Variants in LCN10 observed in about 807,000 individuals in gnomAD.
LCN10 encodes epididymal-specific lipocalin-10.
In LCN10, 18 loss-of-function variants were observed where a neutral mutation model predicts 25.1. The observed-to-expected ratio is 0.72, with a 90% confidence interval of 0.50 to 1.06. LCN10 has a LOEUF of 1.06. Ranked by LOEUF, LCN10 falls within the 50% of genes least tolerant of loss-of-function variation. LCN10 has a pLI of 0.00. For synonymous variants in LCN10, 130 were observed against 116.7 expected, an observed-to-expected ratio of 1.11 and a Z score of -0.73; for missense variants, 257 against 258.9, an observed-to-expected ratio of 0.99 and a Z score of 0.05.
In LCN10 at chr9:136,738,479, C is replaced by G. The variant is rs1000796457; in HGVS notation, c.*1046G>C. 3 of 152,262 alleles carry G rather than the reference C, an allele frequency of 2.0e-5. No homozygotes were observed. Among genetic ancestry groups the G allele is most frequent in the African/African-American group, 7.2e-5 (3 of 41,444 alleles). The allele number at this position is 152,262 out of a possible 1,614,324, so 9.4% of individuals were successfully genotyped here. On this transcript the variant is annotated 3_prime_UTR_variant, in exon 6 of 6. Coordinates refer to ENST00000497771, the MANE Select transcript of LCN10 (RefSeq NM_001001712.3). Reference sequence around the variant, plus strand: ...GCCAGAAGGAGGGGCTGACCCCTTACCCCGTCATGGCTGAGGACTCGGGTT... The same window carrying G: ...GCCAGAAGGAGGGGCTGACCCCTTAGCCCGTCATGGCTGAGGACTCGGGTT...
At position 136,740,522 on chromosome 9, in the gene LCN10, G is replaced by T; in HGVS notation, c.475+314C>A. The T allele has an allele frequency of 2.2e-6, 1 of 458,892 alleles. No individual in the cohort carries two copies. Among genetic ancestry groups the T allele is most frequent in the Non-Finnish European group, 3.9e-6 (1 of 254,020 alleles). 28.4% of individuals were successfully genotyped at this position (458,892 alleles called of 1,614,324 possible). On this transcript the variant is annotated intron_variant, in intron 4 of 5. Coordinates refer to ENST00000497771, the MANE Select transcript of LCN10 (RefSeq NM_001001712.3). This position sits in a 1 kb window ranked among gnomAD's most constrained non-coding sequence, Gnocchi z 5.3. ...GACCCTTACCTGGGACCCCTCCCAC[G>T]CCTCCTCATCCCCACTGTGTCCCTC... is the stretch of plus-strand genomic sequence containing the variant.
At position 136,742,671 on chromosome 9, in the gene LCN10, C is replaced by A. The variant is rs1308886227; in HGVS notation, c.117+116G>T. 6 of 1,308,470 alleles carry A rather than the reference C, an allele frequency of 4.6e-6. No individual in the cohort carries two copies. In the African/African-American group the frequency reaches 7.4e-5, roughly 16 times the overall value. 81.1% of individuals were successfully genotyped at this position (1,308,470 alleles called of 1,614,324 possible). On this transcript the variant is annotated intron_variant, in intron 1 of 5. Transcript: ENST00000497771. ...GTGGGAGAGGCCAGGTGGGCAGCGC[C>A]CGTGCCTGGAACTGCTGGTAGCCCT...
chr9:136,742,856 T>TAGCACCAGCACC lies in LCN10; in HGVS notation c.36_47dup (p.Val15_Leu18dup), dbSNP rs751337850. On this transcript the variant is annotated inframe_insertion, in exon 1 of 6. Coordinates refer to ENST00000497771, the MANE Select transcript of LCN10 (RefSeq NM_001001712.3). Reference sequence around the variant, plus strand: ...GCACCTGGGACCCTGCAGCCAGCACTAGCACCAGCACCAGCACCAGCGCCA... The same window carrying TAGCACCAGCACC: ...GCACCTGGGACCCTGCAGCCAGCACTAGCACCAGCACCAGCACCAGCACCAGCACCAGCGCCA... 3.1e-6 allele frequency: 5 copies of TAGCACCAGCACC among 1,613,452 alleles called. No homozygotes were observed. Among genetic ancestry groups the TAGCACCAGCACC allele is most frequent in the East Asian group, 2.2e-5 (1 of 44,870 alleles).
chr9:136,740,391 CG>C lies in LCN10; in HGVS notation c.476-344del, dbSNP rs1846907086. The C allele has an allele frequency of 2.3e-6, 1 of 441,710 alleles. No homozygotes were observed. Among genetic ancestry groups the C allele is most frequent in the Non-Finnish European group, 4.2e-6 (1 of 237,416 alleles). The allele number at this position is 441,710 out of a possible 1,614,324, so 27.4% of individuals were successfully genotyped here. A position where few individuals can be genotyped will look rare whatever the true frequency, so the allele number is the denominator to read the frequency against. On this transcript the variant is annotated intron_variant, in intron 4 of 5. Transcript: ENST00000497771. The surrounding 1 kb of genome is among the most constrained non-coding windows in gnomAD (Gnocchi z 5.3). The stretch of plus-strand genomic sequence containing the variant: ...CCACCTCCCCTCTACCCGTTCCAAC[CG>C]GGAGGGCCACTCCTTTCCGTGTACC...
Position 136,740,689 on chromosome 9 carries a change from C to T in LCN10, c.475+147G>A. 2 of 616,128 alleles carry T rather than the reference C, an allele frequency of 3.2e-6. No homozygotes were observed. Among genetic ancestry groups the T allele is most frequent in the South Asian group, 4.0e-5 (2 of 49,846 alleles). The allele number at this position is 616,128 out of a possible 1,614,324, so 38.2% of individuals were successfully genotyped here. A position where few individuals can be genotyped will look rare whatever the true frequency, so the allele number is the denominator to read the frequency against. On this transcript the variant is annotated intron_variant, in intron 4 of 5. Transcript: ENST00000497771. This position sits in a 1 kb window ranked among gnomAD's most constrained non-coding sequence, Gnocchi z 5.3. ...CAGGACCTGACTGCTGTGGTCTCGG[C>T]TTCCATTGCCCCTGCCCTGACCACC...
intron 1 of LCN10, chr9:136,742,486 C>A: frequency 2.0e-6 from 1 of 493,046 alleles, no homozygotes; most frequent in Non-Finnish European, 3.6e-6. Flanking sequence ...CCCGCTTGCT[C>A]CACACCCACT....
Position 136,741,259 on chromosome 9 carries a change from C to T in LCN10, c.360G>A (p.Gln120=), listed in dbSNP as rs1476462643. 1 of 1,613,396 alleles carries T rather than the reference C, an allele frequency of 6.2e-7. No individual in the cohort carries two copies. Among genetic ancestry groups the T allele is most frequent in the East Asian group, 2.2e-5 (1 of 44,882 alleles). Residue 120 remains glutamine, a synonymous_variant, in exon 3 of 6, where the codon CAG becomes CAA. Coordinates refer to ENST00000497771, the MANE Select transcript of LCN10 (RefSeq NM_001001712.3). The part of the protein sequence containing the change: ...CAYAAGPREG[Q]EGVKGVKAFH... The stretch of plus-strand genomic sequence containing the variant: ...CCCAGAGCCCAAGCACACCTCCCTC[C>T]TGTCCTTCCCTCGGGCCCGCCGCGT...
At position 136,742,823 on chromosome 9, in the gene LCN10, C is replaced by T. The variant is rs1456523943; in HGVS notation, c.81G>A (p.Trp27Ter). 7 of 1,613,454 alleles carry T rather than the reference C, an allele frequency of 4.3e-6. No individual in the cohort carries two copies. In the African/African-American group the frequency reaches 9.3e-5, roughly 22 times the overall value. Residue 27 changes from tryptophan to a stop codon, truncating the protein, a stop_gained, in exon 1 of 6, where the codon TGG becomes TGA. Transcript: ENST00000497771. LOFTEE classifies it high-confidence loss of function. ...TGAGGGCGTGGGACTCCCTGGGGTA[C>T]CACTCCTGCACCTGGGACCCTGCAG... ...VLAAGSQVQE[W>*]YPRESHALNW...
chr9:136,739,828 C>A lies in LCN10; in HGVS notation c.574+122G>T. ...GCAGGAGGTGGGAGGCACGTTTGGGCGGATCTTTCAAATGGCACCTTTCAA... is the reference window on the plus strand; with the variant it reads ...GCAGGAGGTGGGAGGCACGTTTGGGAGGATCTTTCAAATGGCACCTTTCAA... On this transcript the variant is annotated intron_variant, in intron 5 of 5. Coordinates refer to ENST00000497771, the MANE Select transcript of LCN10 (RefSeq NM_001001712.3). This position sits in a 1 kb window ranked among gnomAD's most constrained non-coding sequence, Gnocchi z 6.1. 1.1e-6 allele frequency: 1 copy of A among 937,704 alleles called. No homozygotes were observed. 58.1% of individuals were successfully genotyped at this position (937,704 alleles called of 1,614,324 possible).
In LCN10 at chr9:136,739,467, C is replaced by T. The variant is rs374912642; in HGVS notation, c.*58G>A. 56 of 1,550,758 alleles carry T rather than the reference C, an allele frequency of 3.6e-5. No individual in the cohort carries two copies. The African/African-American group carries it at 5.2e-4, about 14-fold the overall frequency. Reference sequence around the variant, plus strand: ...GGTCTCCACTTGACATCTGGAACAACGCTCCTCGGGTCTGGGAGGACCACG... The same window carrying T: ...GGTCTCCACTTGACATCTGGAACAATGCTCCTCGGGTCTGGGAGGACCACG... On this transcript the variant is annotated 3_prime_UTR_variant, in exon 6 of 6. Transcript: ENST00000497771. This position sits in a 1 kb window ranked among gnomAD's most constrained non-coding sequence, Gnocchi z 6.1.
rs1055751318 is a variant in LCN10 at position 136,740,138 on chromosome 9, C to G, written c.476-90G>C. The G allele has an allele frequency of 2.5e-5, 22 of 879,286 alleles. No homozygotes were observed. In the African/African-American group the frequency reaches 3.5e-4, roughly 14 times the overall value. 54.5% of individuals were successfully genotyped at this position (879,286 alleles called of 1,614,324 possible). A position where few individuals can be genotyped will look rare whatever the true frequency, so the allele number is the denominator to read the frequency against. ...ACCCCCATCCCTACCCCAGGAGCTG[C>G]TGAAATGTCCTCAGAGCTTAGGCGT... On this transcript the variant is annotated intron_variant, in intron 4 of 5. Transcript: ENST00000497771. The surrounding 1 kb of genome is among the most constrained non-coding windows in gnomAD (Gnocchi z 5.3).
intron 1 of LCN10, 166 bp downstream of exon 1, chr9:136,742,621 C>A: frequency 1.2e-6 from 1 of 850,692 alleles, no homozygotes; most frequent in Non-Finnish European, 1.7e-6. Flanking sequence ...CTGCAACTTG[C>A]GGGGCCCCTG....
chr9:136,739,904 C>T lies in LCN10; in HGVS notation c.574+46G>A, dbSNP rs533865454. On this transcript the variant is annotated intron_variant, in intron 5 of 5. Transcript: ENST00000497771. The surrounding 1 kb of genome is among the most constrained non-coding windows in gnomAD (Gnocchi z 6.1). ...CCAATGAATCAGCTCCCCAATGGGA[C>T]GGGCAGGTAGGGCCAGGAGGGCAAA... 408 of 1,400,384 alleles carry T rather than the reference C, an allele frequency of 2.9e-4. 3 individuals carry two copies. The South Asian group carries it at 4.2e-3, about 14-fold the overall frequency. The allele number at this position is 1,400,384 out of a possible 1,614,324, so 86.7% of individuals were successfully genotyped here. A position where few individuals can be genotyped will look rare whatever the true frequency, so the allele number is the denominator to read the frequency against.
In LCN10 at chr9:136,739,640, G is replaced by T; in HGVS notation, c.575-87C>A. 7.9e-7 allele frequency: 1 copy of T among 1,271,846 alleles called. No homozygotes were observed. The allele number at this position is 1,271,846 out of a possible 1,614,324, so 78.8% of individuals were successfully genotyped here. On this transcript the variant is annotated intron_variant, in intron 5 of 5. Transcript: ENST00000497771. This position sits in a 1 kb window ranked among gnomAD's most constrained non-coding sequence, Gnocchi z 6.1. ...AACACGTCTCCCCCGGCCGCTCCCTGGTTCCATGCGTGCTCGTCTTGGGCA... is the reference window on the plus strand; with the variant it reads ...AACACGTCTCCCCCGGCCGCTCCCTTGTTCCATGCGTGCTCGTCTTGGGCA...
Position 136,740,760 on chromosome 9 carries a change from C to T in LCN10, c.475+76G>A. 1 of 1,207,884 alleles carries T rather than the reference C, an allele frequency of 8.3e-7. No homozygotes were observed. The highest frequency in any genetic ancestry group is 1.2e-6 in the Non-Finnish European group (1 of 854,400). 74.8% of individuals were successfully genotyped at this position (1,207,884 alleles called of 1,614,324 possible). On this transcript the variant is annotated intron_variant, in intron 4 of 5. Coordinates refer to ENST00000497771, the MANE Select transcript of LCN10 (RefSeq NM_001001712.3). This position sits in a 1 kb window ranked among gnomAD's most constrained non-coding sequence, Gnocchi z 5.3. ...TGCCCGCCTCACCTCCTGCCCGGCC[C>T]CCTGTGCCCAGCGCCCCTCTATGCC...
intron 2 of LCN10, 123 bp from the exon 3 acceptor site, chr9:136,741,484 G>C (rs1846932888): frequency 1.3e-6 from 1 of 757,504 alleles, no homozygotes; most frequent in Admixed American, 2.5e-5. Flanking sequence ...GGAAGGTTGG[G>C]GCCCCAGGTC....
Position 136,741,288 on chromosome 9 carries a change from C to G in LCN10, c.331G>C (p.Ala111Pro), listed in dbSNP as rs1846928227. The part of the protein sequence containing the change: ...GKKPVFGNAC[A>P]YAAGPREGQE... Reference sequence around the variant, plus strand: ...CCTTCCCTCGGGCCCGCCGCGTATGCACAGGCGTTCCCAAACACCGGCTTC... The same window carrying G: ...CCTTCCCTCGGGCCCGCCGCGTATGGACAGGCGTTCCCAAACACCGGCTTC... The change falls in exon 3 of 6, where the codon GCA becomes CCA. Residue 111 changes from alanine (A) to proline (P), a missense_variant. Physicochemically the swap from Ala to Pro is conservative, Grantham distance 27 (BLOSUM62 -1). Coordinates refer to ENST00000497771, the MANE Select transcript of LCN10 (RefSeq NM_001001712.3). 1 of 1,613,462 alleles carries G rather than the reference C, an allele frequency of 6.2e-7. No homozygotes were observed. Among genetic ancestry groups the G allele is most frequent in the Admixed American group, 1.7e-5 (1 of 60,006 alleles).
chr9:136,740,288 C>A lies in LCN10; in HGVS notation c.476-240G>T, dbSNP rs1846905305. On this transcript the variant is annotated intron_variant, in intron 4 of 5. Coordinates refer to ENST00000497771, the MANE Select transcript of LCN10 (RefSeq NM_001001712.3). The surrounding 1 kb of genome is among the most constrained non-coding windows in gnomAD (Gnocchi z 5.3). Reference sequence around the variant, plus strand: ...GGGAACCCTCTCTGCCTGCAGAGTCCCCTCCAGCCAGCCCCTCAGCTGTGC... The same window carrying A: ...GGGAACCCTCTCTGCCTGCAGAGTCACCTCCAGCCAGCCCCTCAGCTGTGC... 1 of 552,616 alleles carries A rather than the reference C, an allele frequency of 1.8e-6. No individual in the cohort carries two copies. The highest frequency in any genetic ancestry group is 2.0e-5 in the South Asian group (1 of 49,776). The allele number at this position is 552,616 out of a possible 1,614,324, so 34.2% of individuals were successfully genotyped here.
In LCN10 at chr9:136,742,410, T is replaced by C. The variant is rs1032226150; in HGVS notation, c.117+377A>G. 48 of 402,548 alleles carry C rather than the reference T, an allele frequency of 1.2e-4. No homozygotes were observed. In the Admixed American group the frequency reaches 1.5e-3, roughly 12 times the overall value. 24.9% of individuals were successfully genotyped at this position (402,548 alleles called of 1,614,324 possible). A position where few individuals can be genotyped will look rare whatever the true frequency, so the allele number is the denominator to read the frequency against. Reference sequence around the variant, plus strand: ...AACCCTAGCGCCCTGGGCACCGCCGTGCCAATGAGTGCTGCTCCCACGGCT... The same window carrying C: ...AACCCTAGCGCCCTGGGCACCGCCGCGCCAATGAGTGCTGCTCCCACGGCT... On this transcript the variant is annotated intron_variant, in intron 1 of 5. Coordinates refer to ENST00000497771, the MANE Select transcript of LCN10 (RefSeq NM_001001712.3).
Sources: allele counts gnomAD v4.1 joint callset, GRCh38; gene constraint gnomAD v4.1.1; non-coding constraint Gnocchi (gnomAD v3.1); transcripts MANE v1.5; gene names NCBI Gene and HGNC (gene_info 2026-07-23, HGNC 2026-07-21).